Variants in TMEM184B observed in about 807,000 individuals in gnomAD.
TMEM184B encodes transmembrane protein 184B.
TMEM184B carries 17 observed loss-of-function variants against 41.8 expected under a neutral mutation model. The ratio of observed to expected loss-of-function variants is 0.41; its 90% CI spans 0.28 to 0.61. TMEM184B has a LOEUF of 0.61. TMEM184B is among the 20% of genes least tolerant of loss of function. The pLI, the probability that TMEM184B is intolerant of heterozygous loss-of-function variation, is 0.34. For missense variants in TMEM184B, 393 were observed against 557.8 expected (o/e 0.70, Z 2.98); for synonymous variants, 240 against 229.5 (o/e 1.05, Z -0.41).
intron 1 of TMEM184B, among the ~76,000 whole-genome samples, chr22:38,269,162 G>A (rs2055589865): frequency 2.0e-5 from 3 of 152,174 alleles, no homozygotes; most frequent in Admixed American, 2.0e-4. Context: ...CTCTCTCTGG[G>A]TCACCAGAAC....
At chr22:38,269,599 A>G (rs2092491914) in intron 1 of TMEM184B, among the ~76,000 whole-genome samples, 1 of 152,174 alleles carries the variant, frequency 6.6e-6, no homozygotes, top group Non-Finnish European at 1.5e-5. Context: ...TAGAAGGCCA[A>G]GGTGGAAGGA....
chr22:38,253,488 T>C (rs943656359), intron 1 of TMEM184B, among the ~76,000 whole-genome samples: 1 of 151,392 alleles, frequency 6.6e-6, no homozygotes, highest in Admixed American at 6.6e-5. Flanking sequence ...GGAGAATCAC[T>C]TGAACCTGGG....
Position 38,261,960 on chromosome 22 carries a change from G to A in TMEM184B, c.-59+10924C>T, listed in dbSNP as rs571329281. Among the ~76,000 whole-genome samples, 3 of 152,332 alleles carry A rather than the reference G, an allele frequency of 2.0e-5. No homozygotes were observed. In the East Asian group the frequency reaches 5.8e-4, roughly 29 times the overall value. On this transcript the variant is annotated intron_variant, in intron 1 of 8. Coordinates refer to ENST00000361906, the MANE Select transcript of TMEM184B (RefSeq NM_012264.5). ...CCACCCTGGGTGTATACCCAGCAAA[G>A]AGCGCACACGCGCCCCCAAAGACAA... is the stretch of plus-strand genomic sequence containing the variant.
chr22:38,252,476 T>C (rs1326445378), intron 1 of TMEM184B, among the ~76,000 whole-genome samples: 1 of 152,218 alleles, frequency 6.6e-6, no homozygotes, highest in Non-Finnish European at 1.5e-5. Context: ...CTGGACTCCA[T>C]GCCAGGCACC....
At chr22:38,250,949 G>T (rs2092148712) in intron 1 of TMEM184B, among the ~76,000 whole-genome samples, 1 of 152,178 alleles carries the variant, frequency 6.6e-6, no homozygotes. Flanking sequence ...AGATGTGAGT[G>T]ACTTACCCCC....
chr22:38,226,682 G>T lies in TMEM184B; in HGVS notation c.617+97C>A. ...AGCACCAGACACCCAGGAAGGTCAT[G>T]GCTGTGCGGCCACTCTGGCTGCCCC... On this transcript the variant is annotated intron_variant, in intron 6 of 8. Coordinates refer to ENST00000361906, the MANE Select transcript of TMEM184B (RefSeq NM_012264.5). The surrounding 1 kb of genome is among the most constrained non-coding windows in gnomAD (Gnocchi z 4.6). 8.0e-7 allele frequency: 1 copy of T among 1,243,208 alleles called. No individual in the cohort carries two copies. The highest frequency in any genetic ancestry group is 1.1e-6 in the Non-Finnish European group (1 of 881,298). The allele number at this position is 1,243,208 out of a possible 1,614,324, so 77.0% of individuals were successfully genotyped here.
At chr22:38,249,872 T>C (rs2092123754) in intron 1 of TMEM184B, among the ~76,000 whole-genome samples, 1 of 152,126 alleles carries the variant, frequency 6.6e-6, no homozygotes, top group Non-Finnish European at 1.5e-5. Flanking sequence ...AATCACCAAC[T>C]CTGGCAATAA....
Position 38,225,709 on chromosome 22 carries a change from A to C in TMEM184B, c.618-116T>G. 19 of 1,188,378 alleles carry C rather than the reference A, an allele frequency of 1.6e-5. No individual in the cohort carries two copies. The highest frequency in any genetic ancestry group is 3.5e-5 in the Admixed American group (1 of 28,696). The allele number at this position is 1,188,378 out of a possible 1,614,324, so 73.6% of individuals were successfully genotyped here. On this transcript the variant is annotated intron_variant, in intron 6 of 8. Coordinates refer to ENST00000361906, the MANE Select transcript of TMEM184B (RefSeq NM_012264.5). This position sits in a 1 kb window ranked among gnomAD's most constrained non-coding sequence, Gnocchi z 4.4. ...CAGCCCCACACCTCCAGCAGAGCTC[A>C]ACGAGCCACTGAAGGGGTCAGAATG...
Position 38,221,598 on chromosome 22 carries a change from C to A in TMEM184B, c.1095G>T (p.Thr365=), listed in dbSNP as rs775417488. Residue 365 remains threonine, a synonymous_variant, in exon 9 of 9, where the codon ACG becomes ACT. Transcript: ENST00000361906. The part of the protein sequence containing the change: ...HNFSPAYQQY[T]QQSTLEPGPT... ...GCCCAGGCTCCAGGGTGGACTGCTG[C>A]GTGTACTGCTGGTAGGCAGGTGAGA... The A allele has an allele frequency of 6.2e-7, 1 of 1,614,090 alleles. No individual in the cohort carries two copies. Among genetic ancestry groups the A allele is most frequent in the Non-Finnish European group, 8.5e-7 (1 of 1,179,986 alleles).
intron 1 of TMEM184B, among the ~76,000 whole-genome samples, chr22:38,259,423 A>AC (rs1199209263): frequency 6.6e-6 from 1 of 152,234 alleles, no homozygotes; most frequent in African/African-American, 2.4e-5. Context: ...ATCCTGGATA[A>AC]CCTGGGTGGG....
intron 4 of TMEM184B, 41 bp from the exon 5 acceptor site, chr22:38,230,785 G>C (rs2091593826): frequency 6.3e-7 from 1 of 1,588,110 alleles, no homozygotes; most frequent in African/African-American, 1.3e-5. Context: ...AGTGAGTGAA[G>C]AGCCAGGACT....
rs968268058 is a variant in TMEM184B at position 38,225,243 on chromosome 22, T to C, written c.787+181A>G. Among the ~76,000 whole-genome samples the C allele has an allele frequency of 6.6e-6, 1 of 151,492 alleles. No individual in the cohort carries two copies. On this transcript the variant is annotated intron_variant, in intron 7 of 8. Coordinates refer to ENST00000361906, the MANE Select transcript of TMEM184B (RefSeq NM_012264.5). This position sits in a 1 kb window ranked among gnomAD's most constrained non-coding sequence, Gnocchi z 4.4. ...ATCCATGTAGCGGCCCCACCAAAGCTCTCCCTAGCCCCTGGGAAAGGCCCT... is the reference window on the plus strand; with the variant it reads ...ATCCATGTAGCGGCCCCACCAAAGCCCTCCCTAGCCCCTGGGAAAGGCCCT...
downstream of TMEM184B, among the ~76,000 whole-genome samples, chr22:38,218,413 C>T (rs2146032499): frequency 6.6e-6 from 1 of 152,248 alleles, no homozygotes; most frequent in African/African-American, 2.4e-5. Context: ...TGCTATGGGG[C>T]ATTACGTGCG....
rs137862971 is a variant in TMEM184B at position 38,229,054 on chromosome 22, G to A, written c.525+1615C>T. On this transcript the variant is annotated intron_variant, in intron 5 of 8. Transcript: ENST00000361906. ...TTTAGGAACATGCTAGGGAAGGAAGGTCTGGAAGCAGAACTGGAGACTTGG... is the reference window on the plus strand; with the variant it reads ...TTTAGGAACATGCTAGGGAAGGAAGATCTGGAAGCAGAACTGGAGACTTGG... Among the ~76,000 whole-genome samples the A allele has an allele frequency of 2.0e-4, 31 of 152,354 alleles. No homozygotes were observed. The East Asian group carries it at 4.6e-3, about 23-fold the overall frequency.
chr22:38,238,614 G>T (rs951392240), intron 3 of TMEM184B, among the ~76,000 whole-genome samples: 1 of 152,252 alleles, frequency 6.6e-6, no homozygotes, highest in African/African-American at 2.4e-5. Context: ...TCTGGCTCTT[G>T]TGTGGCCCTG....
chr22:38,263,657 C>T (rs998203731), intron 1 of TMEM184B, among the ~76,000 whole-genome samples: 1 of 152,112 alleles, frequency 6.6e-6, no homozygotes, highest in Non-Finnish European at 1.5e-5. Flanking sequence ...TTAACCCATC[C>T]GTAGAATAAA....
intron 1 of TMEM184B, among the ~76,000 whole-genome samples, chr22:38,253,826 C>T (rs992045371): frequency 1.3e-5 from 2 of 152,092 alleles, no homozygotes; most frequent in Non-Finnish European, 2.9e-5. Flanking sequence ...TATGAATAAA[C>T]AAGCCACAGA....
intron 1 of TMEM184B, among the ~76,000 whole-genome samples, chr22:38,256,754 T>C (rs2092286274): frequency 6.6e-6 from 1 of 152,202 alleles, no homozygotes; most frequent in Non-Finnish European, 1.5e-5. Flanking sequence ...TGCGCAATCT[T>C]GTTGCATCTT....
Position 38,225,068 on chromosome 22 carries a change from GC to G in TMEM184B, c.788-90del. 1 of 1,383,374 alleles carries G rather than the reference GC, an allele frequency of 7.2e-7. No individual in the cohort carries two copies. The highest frequency in any genetic ancestry group is 9.6e-7 in the Non-Finnish European group (1 of 1,037,242). The allele number at this position is 1,383,374 out of a possible 1,614,324, so 85.7% of individuals were successfully genotyped here. ...CAATGCCCCATTCAGCTGCCCACAT[GC>G]CCCAGTGAGGATGTGAGCAGGGCCA... On this transcript the variant is annotated intron_variant, in intron 7 of 8. Transcript: ENST00000361906. This position sits in a 1 kb window ranked among gnomAD's most constrained non-coding sequence, Gnocchi z 4.4.
Sources: gnomAD v4.1 joint callset for allele counts (sites outside exome capture counted in the v4.1 genomes callset) on GRCh38, gnomAD v4.1.1 for gene constraint, Gnocchi (gnomAD v3.1) non-coding constraint, MANE v1.5 for transcripts, NCBI Gene and HGNC (gene_info 2026-07-23, HGNC 2026-07-21) for gene names.